Variants in NLN observed in about 807,000 individuals in gnomAD.
NLN encodes neurolysin, also known as neurolysin, mitochondrial.
NLN carries 64 observed loss-of-function variants against 79.9 expected under a neutral mutation model. The observed-to-expected ratio is 0.80, with a 90% CI of 0.65 to 0.99. NLN has a LOEUF of 0.99. Ranked by LOEUF, NLN falls within the 50% of genes least tolerant of loss-of-function variation. The pLI, the probability that NLN is intolerant of heterozygous loss-of-function variation, is 0.00. For missense variants in NLN, 835 were observed against 858.7 expected, an observed-to-expected ratio of 0.97 and a Z score of 0.34; for synonymous variants, 267 against 296.6, an observed-to-expected ratio of 0.90 and a Z score of 1.02.
At chr5:65,763,696 G>C (rs963043020) in intron 3 of NLN, among the ~76,000 whole-genome samples, 1 of 151,422 alleles carries the variant, frequency 6.6e-6, no homozygotes, top group South Asian at 2.1e-4. Context: ...AAAATTCCAG[G>C]CTTTTTTTTT....
chr5:65,740,514 A>G (rs1758845201), intron 1 of NLN, among the ~76,000 whole-genome samples: 3 of 152,138 alleles, frequency 2.0e-5, no homozygotes, highest in Admixed American at 2.0e-4. Context: ...TTCAAACCAT[A>G]ACCATTTTCT....
intron 9 of NLN, among the ~76,000 whole-genome samples, chr5:65,805,246 C>A (rs1276353225): frequency 1.3e-5 from 2 of 152,158 alleles, no homozygotes; most frequent in African/African-American, 4.8e-5. Context: ...CTACAATGAT[C>A]TGTAAGTGTT....
chr5:65,780,109 G>C, intron 4 of NLN, 70 bp from the exon 5 acceptor site: 2 of 702,644 alleles, frequency 2.8e-6, no homozygotes, highest in South Asian at 3.2e-5. Flanking sequence ...TACAGGTGTG[G>C]GCCACCGTGC....
intron 1 of NLN, 31 bp downstream of exon 1, chr5:65,722,445 G>A (rs1335342485): frequency 4.5e-6 from 7 of 1,563,388 alleles, no homozygotes; most frequent in East Asian, 2.5e-5. Context: ...AACCTTGGCC[G>A]TGGGCAGGGC....
rs953073343 is a variant in NLN at position 65,800,418 on chromosome 5, A to G, written c.1527+7763A>G. On this transcript the variant is annotated intron_variant, in intron 9 of 12. Coordinates refer to ENST00000380985, the MANE Select transcript of NLN (RefSeq NM_020726.5). ...CAGCCAGGCATGGTGGCTCATGCCT[A>G]TAATCCCAGCACTTTGGGAGGCAGA... Among the ~76,000 whole-genome samples, 9 of 152,296 alleles carry G rather than the reference A, an allele frequency of 5.9e-5. No homozygotes were observed. The East Asian group carries it at 9.7e-4, about 16-fold the overall frequency.
chr5:65,812,119 G>A (rs770962898), intron 11 of NLN, 136 bp from the exon 12 acceptor site: 7 of 713,716 alleles, frequency 9.8e-6, no homozygotes, highest in Non-Finnish European at 1.2e-5. Flanking sequence ...ATCAGCCCAA[G>A]GAGTACTAGA....
intron 8 of NLN, among the ~76,000 whole-genome samples, chr5:65,791,858 A>G (rs920136869): frequency 9.9e-5 from 15 of 152,222 alleles, no homozygotes; most frequent in Non-Finnish European, 7.3e-5. Context: ...AAGACCACAC[A>G]GATACGACAC....
At chr5:65,766,191 A>G (rs563455949) in intron 3 of NLN, among the ~76,000 whole-genome samples, 2 of 152,168 alleles carry the variant, frequency 1.3e-5, no homozygotes, top group African/African-American at 4.8e-5. Context: ...GTCTTTATTC[A>G]TGTAGTCTCA....
At chr5:65,742,367 C>A (rs889236698) in intron 1 of NLN, among the ~76,000 whole-genome samples, 33 of 152,080 alleles carry the variant, frequency 2.2e-4, no homozygotes, top group Admixed American at 7.2e-4. Flanking sequence ...CAAGATTAGA[C>A]CATTGAAGTT....
At chr5:65,792,326 A>G (rs1561204713) in intron 8 of NLN, 128 bp from the exon 9 acceptor site, 7 of 621,914 alleles carry the variant, frequency 1.1e-5, no homozygotes, top group Non-Finnish European at 2.0e-5. Context: ...CCTACTTTCT[A>G]AAAGGTAAAT....
At chr5:65,778,890 G>A (rs556675361) in intron 4 of NLN, among the ~76,000 whole-genome samples, 90 of 152,246 alleles carry the variant, frequency 5.9e-4, no homozygotes, top group African/African-American at 2.1e-3. Flanking sequence ...GGATCCTGTG[G>A]TTAATCCTGA....
chr5:65,733,440 C>T (rs1758656386), intron 1 of NLN: 5 of 1,462,712 alleles, frequency 3.4e-6, no homozygotes, highest in Non-Finnish European at 4.7e-6. Context: ...CACAGGCGGG[C>T]TGAGCAAGTT....
intron 9 of NLN, among the ~76,000 whole-genome samples, chr5:65,807,693 G>A (rs555973255): frequency 7.4e-4 from 112 of 152,216 alleles, no homozygotes; most frequent in African/African-American, 2.6e-3. Flanking sequence ...ACCCACCTCC[G>A]CCTCCCAGAG....
rs1490430608 is a variant in NLN, at chr5:65,785,924, T to C, written c.958+14T>C. On this transcript the variant is annotated intron_variant, in intron 7 of 12. Coordinates refer to ENST00000380985, the MANE Select transcript of NLN (RefSeq NM_020726.5). ...CAGCCTTTCTAGGTTAGTTCTTTTT[T>C]TTTTTTCTATGACTGTTTTGCTATA... 2 of 1,609,174 alleles carry C rather than the reference T, an allele frequency of 1.2e-6. No homozygotes were observed. Among genetic ancestry groups the C allele is most frequent in the Admixed American group, 1.7e-5 (1 of 59,166 alleles).
intron 1 of NLN, among the ~76,000 whole-genome samples, chr5:65,735,989 G>C (rs948918565): frequency 4.5e-4 from 68 of 152,256 alleles, no homozygotes; most frequent in African/African-American, 1.6e-3. Context: ...GTATATACAT[G>C]TGACTAAAAG....
At chr5:65,804,489 A>G (rs1760361830) in intron 9 of NLN, among the ~76,000 whole-genome samples, 1 of 152,074 alleles carries the variant, frequency 6.6e-6, no homozygotes, top group African/African-American at 2.4e-5. Flanking sequence ...GCATGTGCTT[A>G]CTTCTTGTCT....
chr5:65,766,803 T>C (rs1372957204), intron 3 of NLN, among the ~76,000 whole-genome samples: 2 of 152,210 alleles, frequency 1.3e-5, no homozygotes, highest in Admixed American at 6.5e-5. Flanking sequence ...TGGGTAAATG[T>C]TCACATTCCA....
Position 65,809,329 on chromosome 5 carries a change from G to A in NLN, c.1528-186G>A, listed in dbSNP as rs143119379. The A allele has an allele frequency of 4.4e-3, 2,339 of 527,876 alleles. 8 individuals are homozygous for A. Among genetic ancestry groups the A allele is most frequent in the Non-Finnish European group, 5.9e-3 (1,788 of 300,984 alleles). 32.7% of individuals were successfully genotyped at this position (527,876 alleles called of 1,614,324 possible). On this transcript the variant is annotated intron_variant, in intron 9 of 12. Transcript: ENST00000380985. ...CTACTGTAATATAGAGTATTTGGGG[G>A]TTGTTTTTCACACTGTTCAGCTGCT... is the stretch of plus-strand genomic sequence containing the variant.
chr5:65,785,745 C>T, intron 6 of NLN, 30 bp from the exon 7 acceptor site: 1 of 1,596,286 alleles, frequency 6.3e-7, no homozygotes, highest in South Asian at 1.1e-5. Context: ...ATTGATTAGC[C>T]TTTATTTTGT....
Sources: gnomAD v4.1 joint callset for allele counts (sites outside exome capture counted in the v4.1 genomes callset) on GRCh38, gnomAD v4.1.1 for gene constraint, MANE v1.5 for transcripts, NCBI Gene and HGNC (gene_info 2026-07-23, HGNC 2026-07-21) for gene names.